KCNT1: variants seen among roughly 807,000 people sequenced by gnomAD.
KCNT1 encodes the protein potassium sodium-activated channel subfamily T member 1, also known as potassium channel subfamily T member 1.
In KCNT1, 78 loss-of-function variants were observed where a neutral mutation model predicts 147.8. The observed-to-expected ratio is 0.53, with a 90% CI of 0.44 to 0.64. KCNT1 has a LOEUF of 0.64. Ranked by LOEUF, KCNT1 falls within the 30% of genes least tolerant of loss-of-function variation. The pLI is 0.00. For synonymous variants in KCNT1, 867 were observed against 748.8 expected, an observed-to-expected ratio of 1.16 and a Z score of -2.58; for missense variants, 1,419 against 1,750.3, an observed-to-expected ratio of 0.81 and a Z score of 3.38.
intron 2 of KCNT1, among the ~76,000 whole-genome samples, chr9:135,718,420 A>G (rs1196023420): frequency 6.6e-6 from 1 of 151,992 alleles, no homozygotes. Flanking sequence ...GGTAGAGGGG[A>G]GGGGACACTG....
At chr9:135,722,352 A>G (rs1209579357) in intron 2 of KCNT1, among the ~76,000 whole-genome samples, 1 of 152,200 alleles carries the variant, frequency 6.6e-6, no homozygotes, top group Non-Finnish European at 1.5e-5. Flanking sequence ...CCAGGGACTC[A>G]TGTGTGTGAC....
intron 29 of KCNT1, 26 bp downstream of exon 29, chr9:135,786,547 G>A (rs1834067122): frequency 1.3e-6 from 2 of 1,546,320 alleles, no homozygotes; most frequent in East Asian, 4.8e-5. Context: ...GCGGGTGGGG[G>A]CCGGACGGAC....
At chr9:135,706,120 C>T (rs1835244850) in intron 1 of KCNT1, among the ~76,000 whole-genome samples, 4 of 152,214 alleles carry the variant, frequency 2.6e-5, no homozygotes, top group South Asian at 2.1e-4. Flanking sequence ...CGAGTCACTT[C>T]ACCTCTCTGG....
intron 3 of KCNT1, chr9:135,750,664 T>C (rs1357129006): frequency 3.5e-5 from 19 of 545,728 alleles, no homozygotes; most frequent in Non-Finnish European, 5.6e-5. Flanking sequence ...CCCCAATCCC[T>C]ATCCTGTCCT....
chr9:135,750,032 C>T (rs1025233216), intron 2 of KCNT1, 66 bp from the exon 3 acceptor site: 4 of 1,319,440 alleles, frequency 3.0e-6, no homozygotes, highest in Non-Finnish European at 4.4e-6. Context: ...GGTTGGGGCT[C>T]CCGGCGTGTC....
chr9:135,715,926 G>A (rs1835703747), intron 2 of KCNT1, among the ~76,000 whole-genome samples: 3 of 152,300 alleles, frequency 2.0e-5, no homozygotes, highest in Admixed American at 6.5e-5. Flanking sequence ...CCTGCAGAGA[G>A]GCCTTTTAAA....
chr9:135,787,966 C>T (rs997287575), intron 29 of KCNT1: 34 of 704,512 alleles, frequency 4.8e-5, no homozygotes, highest in African/African-American at 3.6e-4. Flanking sequence ...TTCTGGTGAC[C>T]GACTCGCTTC....
chr9:135,756,973 ACCCTC>A, intron 7 of KCNT1, 41 bp downstream of exon 7: 1 of 653,242 alleles, frequency 1.5e-6, no homozygotes, highest in East Asian at 5.2e-5. Context: ...GGGGGTCCCC[ACCCTC>A]CCCACCCTCC....
intron 1 of KCNT1, among the ~76,000 whole-genome samples, chr9:135,709,229 T>A (rs1835381388): frequency 6.6e-6 from 1 of 152,150 alleles, no homozygotes; most frequent in Admixed American, 6.5e-5. Context: ...ATGGGGTTCA[T>A]TATATGCCAT....
intron 11 of KCNT1, among the ~76,000 whole-genome samples, chr9:135,761,474 T>A (rs1831907866): frequency 1.3e-5 from 2 of 152,226 alleles, no homozygotes. Flanking sequence ...TGACACTGCC[T>A]CCCTCCTCGG....
chr9:135,710,533 T>C (rs1052820641), intron 1 of KCNT1, among the ~76,000 whole-genome samples: 7 of 152,164 alleles, frequency 4.6e-5, no homozygotes, highest in African/African-American at 1.7e-4. Context: ...TCCAATACCA[T>C]AGGACGAGGA....
rs544572817 is a variant in KCNT1 at position 135,702,445 on chromosome 9, C to T, written c.110+77C>T. ...ACCCCCAAGTTCCCCCTCAGGCTCC[C>T]GCACCCTCCAGGACCCGCCATTCCC... On this transcript the variant is annotated intron_variant, in intron 1 of 30. Coordinates refer to ENST00000371757, the MANE Select transcript of KCNT1 (RefSeq NM_020822.3). The T allele has an allele frequency of 8.5e-3, 10,271 of 1,210,950 alleles. 80 individuals are homozygous for T. The highest frequency in any genetic ancestry group is 0.026 in the Middle Eastern group (106 of 4,040). The allele number at this position is 1,210,950 out of a possible 1,614,324, so 75.0% of individuals were successfully genotyped here.
At chr9:135,769,266 C>T (rs1196452055) in intron 15 of KCNT1, among the ~76,000 whole-genome samples, 3 of 108,916 alleles carry the variant, frequency 2.8e-5, no homozygotes. Context: ...GGCGCGTGTG[C>T]ATGCTGTTGG....
At chr9:135,757,066 T>A in intron 7 of KCNT1, 90 bp from the exon 8 acceptor site, 1 of 1,057,418 alleles carries the variant, frequency 9.5e-7, no homozygotes, top group Non-Finnish European at 1.4e-6. Context: ...CAGGGTGGGC[T>A]CCTCGCCCTC....
In KCNT1 at chr9:135,785,346, G is replaced by A. The variant is rs749539780; in HGVS notation, c.3177+16G>A. On this transcript the variant is annotated intron_variant, in intron 28 of 30. Transcript: ENST00000371757. ...CAGAGCCCAGGTAAGCAACCCCTCC[G>A]TGCCCACGCAGCTTCTGCGGAGCAC... 43 of 1,612,826 alleles carry A rather than the reference G, an allele frequency of 2.7e-5. No individual in the cohort carries two copies. The highest frequency in any genetic ancestry group is 3.3e-5 in the South Asian group (3 of 91,084).
intron 2 of KCNT1, among the ~76,000 whole-genome samples, chr9:135,737,660 A>G (rs1335072090): frequency 6.6e-6 from 1 of 152,078 alleles, no homozygotes; most frequent in African/African-American, 2.4e-5. Flanking sequence ...GGAAGCAGTG[A>G]GGGCTGAAGT....
intron 2 of KCNT1, among the ~76,000 whole-genome samples, chr9:135,744,103 T>A (rs909129517): frequency 1.3e-5 from 2 of 152,202 alleles, no homozygotes; most frequent in Non-Finnish European, 2.9e-5. Flanking sequence ...CGGCCCCATG[T>A]GAGTGCAGGG....
intron 2 of KCNT1, among the ~76,000 whole-genome samples, chr9:135,719,761 C>T (rs1420726813): frequency 6.6e-6 from 1 of 152,204 alleles, no homozygotes; most frequent in Admixed American, 6.5e-5. Context: ...TGGGCCACCC[C>T]AAGCTGAGTG....
chr9:135,770,893 C>A lies in KCNT1; in HGVS notation c.1806C>A (p.Asp602Glu). Residue 602 changes from aspartate to glutamate, a missense_variant, in exon 18 of 31, where the codon GAC (aspartate) becomes GAA (glutamate). This residue lies in a region of KCNT1 where 284 missense variants were observed against 292.8 expected (regional missense o/e 0.97). Coordinates refer to ENST00000371757, the MANE Select transcript of KCNT1 (RefSeq NM_020822.3). ...GCCTCATCGGGCTGAAGCGGGAGGA[C>A]AACAAGAGCATCCTGCTGAACCCGG... ...GVCLIGLKRE[D>E]NKSILLNPGP... The A allele has an allele frequency of 6.3e-7, 1 of 1,597,752 alleles. No individual in the cohort carries two copies. The highest frequency in any genetic ancestry group is 8.5e-7 in the Non-Finnish European group (1 of 1,171,696).
Sources: gnomAD v4.1 joint callset for allele counts (sites outside exome capture counted in the v4.1 genomes callset) on GRCh38, gnomAD v4.1.1 for gene constraint, gnomAD v4.1.1 regional missense constraint, MANE v1.5 for transcripts, NCBI Gene and HGNC (gene_info 2026-07-23, HGNC 2026-07-21) for gene names.